The following EFNA5 variants were observed in gnomAD, a reference collection of about 807,000 sequenced individuals.
EFNA5 encodes the protein ephrin-A5.
Under a neutral mutation model 22.9 loss-of-function variants are expected in EFNA5, and 5 were observed. The ratio of observed to expected loss-of-function variants is 0.22; its 90% CI spans 0.11 to 0.46. The LOEUF (loss-of-function observed/expected upper bound fraction) is 0.46, where lower values mean the gene tolerates loss of function less well. Among genes scored for constraint, EFNA5 ranks in the 20% least tolerant of loss-of-function variants. The pLI is 0.99. For synonymous variants in EFNA5, 113 were observed against 112.2 expected (o/e 1.01, Z -0.04); for missense variants, 237 against 293.3 (o/e 0.81, Z 1.40).
intron 1 of EFNA5, among the ~76,000 whole-genome samples, chr5:107,499,281 A>T (rs1747077623): frequency 1.3e-5 from 2 of 152,182 alleles, no homozygotes; most frequent in Non-Finnish European, 2.9e-5. Context: ...ACTGCCAGGG[A>T]TATACTCTTC....
chr5:107,462,416 C>A (rs1260121599), intron 1 of EFNA5, among the ~76,000 whole-genome samples: 1 of 152,142 alleles, frequency 6.6e-6, no homozygotes, highest in East Asian at 1.9e-4. Flanking sequence ...TATTGCTGAA[C>A]TGATAGCCTC....
intron 1 of EFNA5, among the ~76,000 whole-genome samples, chr5:107,446,186 A>G (rs1749388372): frequency 6.6e-6 from 1 of 152,216 alleles, no homozygotes; most frequent in African/African-American, 2.4e-5. Context: ...CAAATAAATG[A>G]TGACTAAAAG....
intron 2 of EFNA5, among the ~76,000 whole-genome samples, chr5:107,402,630 G>A (rs372071622): frequency 2.2e-4 from 33 of 152,172 alleles, no homozygotes; most frequent in East Asian, 1.2e-3. Context: ...ACAGGCTTCC[G>A]GGTGTGGATA....
At chr5:107,502,510 T>G (rs1278558146) in intron 1 of EFNA5, among the ~76,000 whole-genome samples, 1 of 152,216 alleles carries the variant, frequency 6.6e-6, no homozygotes, top group Non-Finnish European at 1.5e-5. Context: ...GGTTTACTCA[T>G]TACATTACGA....
intron 1 of EFNA5, among the ~76,000 whole-genome samples, chr5:107,545,196 C>T (rs1748120942): frequency 6.6e-6 from 1 of 152,254 alleles, no homozygotes. Flanking sequence ...CATTACCTGC[C>T]TGTCACGGTA....
intron 1 of EFNA5, among the ~76,000 whole-genome samples, chr5:107,637,402 T>C (rs779844819): frequency 6.6e-6 from 1 of 152,022 alleles, no homozygotes; most frequent in South Asian, 2.1e-4. Flanking sequence ...TAACCCTCAA[T>C]TCATTGGAGA....
At chr5:107,661,009 C>T (rs1025943824) in intron 1 of EFNA5, among the ~76,000 whole-genome samples, 1 of 151,596 alleles carries the variant, frequency 6.6e-6, no homozygotes, top group Non-Finnish European at 1.5e-5. Context: ...GCCACAGTAT[C>T]TAAAACATTA....
intron 1 of EFNA5, among the ~76,000 whole-genome samples, chr5:107,462,367 T>A (rs564666303): frequency 1.3e-5 from 2 of 152,192 alleles, no homozygotes; most frequent in Admixed American, 6.5e-5. Flanking sequence ...TGACTTTTAT[T>A]TGATGTCAAC....
At chr5:107,617,645 T>C (rs1252108652) in intron 1 of EFNA5, among the ~76,000 whole-genome samples, 3 of 152,160 alleles carry the variant, frequency 2.0e-5, no homozygotes, top group South Asian at 4.1e-4. Flanking sequence ...CAAAAGGAAA[T>C]AGGAAGAATT....
At chr5:107,544,434 TG>T (rs1296507531) in intron 1 of EFNA5, among the ~76,000 whole-genome samples, 1 of 152,174 alleles carries the variant, frequency 6.6e-6, no homozygotes, top group Non-Finnish European at 1.5e-5. Flanking sequence ...GAGTAACCTC[TG>T]GGAGTACCAA....
intron 1 of EFNA5, among the ~76,000 whole-genome samples, chr5:107,617,273 G>T (rs1429546665): frequency 1.3e-5 from 2 of 149,704 alleles, no homozygotes; most frequent in East Asian, 3.9e-4. Flanking sequence ...GAGAGAGAGA[G>T]AACCACAGAG....
rs576487482 is a variant in EFNA5 at position 107,539,849 on chromosome 5, A to C, written c.126-112340T>G. ...AACTCTATGGTTAATTAAAAGGAGA[A>C]AGTAGGAGAGGGAAATCATGGAAAG... On this transcript the variant is annotated intron_variant, in intron 1 of 4. Transcript: ENST00000333274. Among the ~76,000 whole-genome samples the C allele has an allele frequency of 9.5e-4, 144 of 152,298 alleles. 1 individual carries two copies. The highest frequency in any genetic ancestry group is 1.7e-3 in the South Asian group (8 of 4,828).
At chr5:107,437,468 C>T (rs1475396132) in intron 1 of EFNA5, among the ~76,000 whole-genome samples, 1 of 152,038 alleles carries the variant, frequency 6.6e-6, no homozygotes, top group Admixed American at 6.6e-5. Context: ...AGGTGGTGAT[C>T]GTAGTCATAA....
intron 1 of EFNA5, among the ~76,000 whole-genome samples, chr5:107,595,138 AT>A (rs34577326): frequency 0.16 from 24,194 of 149,676 alleles, 4,934 homozygotes; most frequent in African/African-American, 0.48. Context: ...CTTTGGTTTA[AT>A]TTTTTTTTTT....
chr5:107,495,868 G>C (rs1280846262), intron 1 of EFNA5, among the ~76,000 whole-genome samples: 5 of 152,102 alleles, frequency 3.3e-5, no homozygotes, highest in Non-Finnish European at 5.9e-5. Flanking sequence ...GTGGATTCCA[G>C]AACAGCCTAT....
At chr5:107,594,665 C>T (rs1749438894) in intron 1 of EFNA5, among the ~76,000 whole-genome samples, 1 of 152,130 alleles carries the variant, frequency 6.6e-6, no homozygotes, top group Non-Finnish European at 1.5e-5. Context: ...ATATTTTTAG[C>T]TACAAAGTCA....
At chr5:107,420,157 C>T (rs1748615539) in intron 2 of EFNA5, among the ~76,000 whole-genome samples, 2 of 152,102 alleles carry the variant, frequency 1.3e-5, no homozygotes, top group Non-Finnish European at 2.9e-5. Context: ...GCATAGTAAT[C>T]CTAGCATAAT....
At chr5:107,419,367 A>G (rs1207314062) in intron 2 of EFNA5, among the ~76,000 whole-genome samples, 3 of 152,208 alleles carry the variant, frequency 2.0e-5, no homozygotes, top group Non-Finnish European at 2.9e-5. Context: ...GCATTATTGC[A>G]GCTTCACTAA....
At chr5:107,522,136 G>A (rs1747611481) in intron 1 of EFNA5, among the ~76,000 whole-genome samples, 1 of 152,166 alleles carries the variant, frequency 6.6e-6, no homozygotes, top group Admixed American at 6.5e-5. Context: ...ACACTAAAAA[G>A]TACAACATGA....
Sources: allele counts gnomAD v4.1 joint callset (sites outside exome capture counted in the v4.1 genomes callset), GRCh38; gene constraint gnomAD v4.1.1; transcripts MANE v1.5; gene names NCBI Gene and HGNC (gene_info 2026-07-23, HGNC 2026-07-21).